AFM: variants seen among roughly 807,000 people sequenced by gnomAD.
AFM encodes the protein alpha-Alb.
Under a neutral mutation model 68.7 loss-of-function variants are expected in AFM, and 82 were observed. That is an observed-to-expected ratio of 1.19 (90% CI 1.00 to 1.43). The LOEUF (loss-of-function observed/expected upper bound fraction) is 1.43, where lower values mean the gene tolerates loss of function less well. Ranked by LOEUF, AFM falls within the 40% of genes most tolerant of loss-of-function variation. The probability of loss-of-function intolerance (pLI) is 0.00; values close to 1 mark genes in which losing one functional copy is unlikely to be tolerated. For synonymous variants in AFM, 250 were observed against 234.2 expected, an observed-to-expected ratio of 1.07 and a Z score of -0.61; for missense variants, 772 against 701.8, an observed-to-expected ratio of 1.10 and a Z score of -1.13.
chr4:73,484,478 C>G (rs1431871929), intron 3 of AFM, 88 bp downstream of exon 3: 1 of 624,536 alleles, frequency 1.6e-6, no homozygotes, highest in Non-Finnish European at 2.5e-6. Flanking sequence ...TTCTTTCTTT[C>G]TTTCTTTCTT....
At position 73,491,917 on chromosome 4, in the gene AFM, A is replaced by C. The variant is rs569242266; in HGVS notation, c.889A>C (p.Ser297Arg). Residue 297 changes from serine to arginine, a missense_variant, in exon 8 of 15, where the codon AGC (serine) becomes CGC (arginine). Physicochemically the swap from Ser to Arg is moderately radical, Grantham distance 110 (BLOSUM62 -1). Coordinates refer to ENST00000226355, the MANE Select transcript of AFM (RefSeq NM_001133.2). ...HICSKQDSIS[S>R]KIKECCEKKI... ...TTGTTCAAAACAAGATTCTATCTCC[A>C]GCAAAATCAAAGAGTGCTGTGAAAA... The C allele has an allele frequency of 1.9e-5, 31 of 1,613,920 alleles. No individual in the cohort carries two copies. The highest frequency in any genetic ancestry group is 2.6e-5 in the Non-Finnish European group (31 of 1,179,960).
Position 73,484,372 on chromosome 4 carries a change from A to T in AFM, c.252A>T (p.Pro84=), listed in dbSNP as rs749493773. Residue 84 remains proline, a synonymous_variant, in exon 3 of 15, where the codon CCA becomes CCT. Coordinates refer to ENST00000226355, the MANE Select transcript of AFM (RefSeq NM_001133.2). ...GATGTATGGCTGACAAGACGCTCCC[A>T]GAGTGTTCAAAATTACCTGTAAGTA... The part of the protein sequence containing the change: ...KDRCMADKTL[P]ECSKLPNNVL... The T allele has an allele frequency of 6.3e-7, 1 of 1,593,730 alleles. No homozygotes were observed. The highest frequency in any genetic ancestry group is 1.7e-4 in the Middle Eastern group (1 of 5,972).
At chr4:73,499,570 GT>G (rs1721361787) in intron 11 of AFM, among the ~76,000 whole-genome samples, 1 of 152,014 alleles carries the variant, frequency 6.6e-6, no homozygotes, top group Non-Finnish European at 1.5e-5. Context: ...TTTAAGTAAG[GT>G]TACAGATTCT....
At chr4:73,488,884 A>G (rs1720989824) in intron 7 of AFM, 125 bp downstream of exon 7, 2 of 925,908 alleles carry the variant, frequency 2.2e-6, no homozygotes, top group East Asian at 5.5e-5. Context: ...TAACTTTTGA[A>G]TGAAAGCATA....
In AFM at chr4:73,488,752, G is replaced by A. The variant is rs149021212; in HGVS notation, c.836G>A (p.Arg279His). ...GAAGGGGATGTTGTGCAGTGCATCC[G>A]TGACACGGTGAATATTCTCTAAAAC... ...CCEGDVVQCI[R>H]DTSKVMNHIC... Residue 279 changes from arginine to histidine, a missense_variant, in exon 7 of 15, where the codon CGT becomes CAT. Arg to His is a conservative substitution (Grantham distance 29, BLOSUM62 0). Transcript: ENST00000226355. 1.4e-5 allele frequency: 23 copies of A among 1,606,230 alleles called. No individual in the cohort carries two copies. The South Asian group carries it at 1.7e-4, about 12-fold the overall frequency.
chr4:73,484,501 T>A, intron 3 of AFM, 111 bp downstream of exon 3: 2 of 777,748 alleles, frequency 2.6e-6, no homozygotes, highest in Non-Finnish European at 3.7e-6. Context: ...TTTCTTTCTT[T>A]CTTTCATTCT....
intron 12 of AFM, among the ~76,000 whole-genome samples, chr4:73,501,223 AT>A (rs1441780529): frequency 1.3e-5 from 2 of 151,948 alleles, no homozygotes; most frequent in African/African-American, 4.8e-5. Context: ...GTGATAGCTT[AT>A]TTTTTTAATT....
intron 5 of AFM, 30 bp downstream of exon 5, chr4:73,487,129 A>T: frequency 1.9e-6 from 3 of 1,612,280 alleles, no homozygotes; most frequent in Non-Finnish European, 2.5e-6. Context: ...CATGAAGAGG[A>T]TAAGAAATCA....
chr4:73,483,879 AT>A, intron 1 of AFM, 61 bp from the exon 2 acceptor site: 1 of 1,356,676 alleles, frequency 7.4e-7, no homozygotes, highest in South Asian at 1.3e-5. Context: ...ATGTATAGTT[AT>A]TTATTTGAAA....
chr4:73,484,345 C>T lies in AFM; in HGVS notation c.225C>T (p.Asp75=). ...TGAAAGACATGGTAGAATACAAAGA[C>T]AGATGTATGGCTGACAAGACGCTCC... ...KLVKDMVEYK[D]RCMADKTLPE... Residue 75 remains aspartate, a synonymous_variant, in exon 3 of 15, where the codon GAC becomes GAT. Coordinates refer to ENST00000226355, the MANE Select transcript of AFM (RefSeq NM_001133.2). 1 of 1,612,654 alleles carries T rather than the reference C, an allele frequency of 6.2e-7. No homozygotes were observed. Among genetic ancestry groups the T allele is most frequent in the Non-Finnish European group, 8.5e-7 (1 of 1,179,450 alleles).
At chr4:73,495,232 C>T (rs1721218149) in intron 8 of AFM, 68 bp from the exon 9 acceptor site, 1 of 1,449,482 alleles carries the variant, frequency 6.9e-7, no homozygotes, top group East Asian at 2.3e-5. Context: ...GACTGGATTA[C>T]AAAATAGTGG....
chr4:73,492,138 G>T (rs1199640283), intron 8 of AFM, 52 bp downstream of exon 8: 7 of 1,499,108 alleles, frequency 4.7e-6, no homozygotes, highest in Non-Finnish European at 6.4e-6. Flanking sequence ...AAACTTATAA[G>T]ATTTGACTTT....
At position 73,501,932 on chromosome 4, in the gene AFM, C is replaced by G. The variant is rs1011901325; in HGVS notation, c.1779+13C>G. On this transcript the variant is annotated intron_variant, in intron 13 of 14. Coordinates refer to ENST00000226355, the MANE Select transcript of AFM (RefSeq NM_001133.2). ...CTTTAATGAAGAGGTAGTTTTATTT[C>G]TTTTCTACTGAAATTCAACTGGTTT... 3.7e-6 allele frequency: 6 copies of G among 1,608,248 alleles called. No individual in the cohort carries two copies. In the African/African-American group the frequency reaches 8.0e-5, roughly 22 times the overall value.
intron 13 of AFM, 140 bp from the exon 14 acceptor site, chr4:73,502,910 A>G (rs1023626582): frequency 2.4e-5 from 20 of 817,224 alleles, no homozygotes; most frequent in Admixed American, 5.1e-5. Context: ...TCACTAGAAG[A>G]AAGAATGTTT....
chr4:73,482,889 A>T (rs547372797), intron 1 of AFM, among the ~76,000 whole-genome samples: 1 of 152,182 alleles, frequency 6.6e-6, no homozygotes, highest in Admixed American at 6.5e-5. Context: ...GTGTATAGAA[A>T]TGATCAGATT....
In AFM at chr4:73,488,834, A is replaced by T. The variant is rs1720988911; in HGVS notation, c.843+75A>T. ...ATTTTTTTATTCTCAAGTTGCCCTG[A>T]TATGTGGTTACTTTGCCACAATGAA... On this transcript the variant is annotated intron_variant, in intron 7 of 14. Coordinates refer to ENST00000226355, the MANE Select transcript of AFM (RefSeq NM_001133.2). 1.5e-5 allele frequency: 22 copies of T among 1,426,498 alleles called. No individual in the cohort carries two copies. In the South Asian group the frequency reaches 2.9e-4, roughly 19 times the overall value. 88.4% of individuals were successfully genotyped at this position (1,426,498 alleles called of 1,614,324 possible). A position where few individuals can be genotyped will look rare whatever the true frequency, so the allele number is the denominator to read the frequency against.
chr4:73,498,556 A>C (rs949543561), intron 10 of AFM, among the ~76,000 whole-genome samples: 2 of 152,182 alleles, frequency 1.3e-5, no homozygotes, highest in African/African-American at 2.4e-5. Context: ...CTGGGATTAC[A>C]GGTGTGAGCC....
At chr4:73,498,980 T>C in intron 10 of AFM, 134 bp from the exon 11 acceptor site, 1 of 786,258 alleles carries the variant, frequency 1.3e-6, no homozygotes, top group South Asian at 3.3e-5. Flanking sequence ...TTCTCTACTT[T>C]ATGAGAGAGC....
At chr4:73,495,965 A>G (rs1721241543) in intron 9 of AFM, among the ~76,000 whole-genome samples, 1 of 152,244 alleles carries the variant, frequency 6.6e-6, no homozygotes, top group African/African-American at 2.4e-5. Flanking sequence ...TATTTTAAAA[A>G]TAAGATTGGC....
Sources: allele counts gnomAD v4.1 joint callset (sites outside exome capture counted in the v4.1 genomes callset), GRCh38; gene constraint gnomAD v4.1.1; transcripts MANE v1.5; gene names NCBI Gene and HGNC (gene_info 2026-07-23, HGNC 2026-07-21).